The following MYRIP variants were observed in gnomAD, a reference collection of about 807,000 sequenced individuals.
The protein encoded by MYRIP is myosin VIIA and Rab interacting protein, also known as rab effector MyRIP.
A neutral mutation model predicts 98.0 loss-of-function variants in MYRIP; 49 were observed. The ratio of observed to expected loss-of-function variants is 0.50; its 90% CI spans 0.40 to 0.63. The LOEUF (loss-of-function observed/expected upper bound fraction) is 0.63, where lower values mean the gene tolerates loss of function less well. MYRIP is among the 30% of genes least tolerant of loss of function. The pLI, the probability that MYRIP is intolerant of heterozygous loss-of-function variation, is 0.00. For synonymous variants in MYRIP, 404 were observed against 409.5 expected (o/e 0.99, Z 0.16); for missense variants, 1,004 against 1,058.2 (o/e 0.95, Z 0.71).
intron 3 of MYRIP, among the ~76,000 whole-genome samples, chr3:40,121,001 A>G (rs976104259): frequency 2.0e-5 from 3 of 152,136 alleles, no homozygotes; most frequent in African/African-American, 7.2e-5. Context: ...ACAGAGAGGA[A>G]TGAATCAAGC....
At chr3:40,069,010 A>G (rs1948173673) in intron 3 of MYRIP, among the ~76,000 whole-genome samples, 1 of 152,218 alleles carries the variant, frequency 6.6e-6, no homozygotes, top group African/African-American at 2.4e-5. Flanking sequence ...AAGACACAAA[A>G]CACATCTAAG....
chr3:40,021,175 A>C (rs1379397189), intron 2 of MYRIP, among the ~76,000 whole-genome samples: 1 of 152,206 alleles, frequency 6.6e-6, no homozygotes, highest in Non-Finnish European at 1.5e-5. Context: ...AGATGCTTTT[A>C]AAAAACATTC....
At chr3:40,221,175 C>T (rs1952327177) in intron 11 of MYRIP, among the ~76,000 whole-genome samples, 1 of 151,532 alleles carries the variant, frequency 6.6e-6, no homozygotes, top group South Asian at 2.1e-4. Context: ...ATGGTTAGCA[C>T]ATTCATTTTT....
chr3:40,179,886 G>T (rs1330474624), intron 8 of MYRIP, among the ~76,000 whole-genome samples: 1 of 152,212 alleles, frequency 6.6e-6, no homozygotes, highest in African/African-American at 2.4e-5. Context: ...CTTGATACAT[G>T]GAGGTTTGCC....
At chr3:40,218,619 TATATATATATATA>T (rs1559460425) in intron 11 of MYRIP, among the ~76,000 whole-genome samples, 272 of 17,502 alleles carry the variant, frequency 0.016, 6 homozygotes, top group Non-Finnish European at 0.031. Flanking sequence ...ATTTTATATA[TATATATATATATA>T]TATATATATA....
chr3:39,870,151 G>C (rs1417226321), intron 1 of MYRIP, among the ~76,000 whole-genome samples: 2 of 152,156 alleles, frequency 1.3e-5, no homozygotes, highest in East Asian at 3.9e-4. Flanking sequence ...CAGACAGGAA[G>C]GGCCTAATAC....
At chr3:40,093,226 C>T (rs1163759960) in intron 3 of MYRIP, among the ~76,000 whole-genome samples, 1 of 152,218 alleles carries the variant, frequency 6.6e-6, no homozygotes, top group African/African-American at 2.4e-5. Context: ...GACAAGATAT[C>T]CACCTTATGT....
intron 2 of MYRIP, among the ~76,000 whole-genome samples, chr3:40,021,121 C>T (rs142313378): frequency 1.1e-3 from 172 of 152,270 alleles, no homozygotes; most frequent in Non-Finnish European, 2.1e-3. Flanking sequence ...CCTTTACCCC[C>T]CTTTGCTCTG....
intron 3 of MYRIP, among the ~76,000 whole-genome samples, chr3:40,048,205 T>C (rs1386420657): frequency 1.3e-5 from 2 of 152,190 alleles, no homozygotes; most frequent in African/African-American, 4.8e-5. Context: ...AGTAGGTCTA[T>C]GAGGTTACAC....
intron 2 of MYRIP, among the ~76,000 whole-genome samples, chr3:39,949,167 A>T (rs892255918): frequency 3.3e-5 from 5 of 152,128 alleles, no homozygotes; most frequent in African/African-American, 1.2e-4. Flanking sequence ...TTGCTTTTGG[A>T]CAAGTTGAAT....
rs563289180 is a variant in MYRIP, at chr3:40,000,061, A to G, written c.111-43989A>G. Among the ~76,000 whole-genome samples the G allele has an allele frequency of 2.1e-3, 321 of 151,222 alleles. 5 individuals are homozygous for G. The highest frequency in any genetic ancestry group is 7.5e-3 in the African/African-American group (308 of 41,150). ...GGAGGGGGGAGGGATAACAATAGGAAATATACCTAATGTTAAATGACGAGT... is the reference window on the plus strand; with the variant it reads ...GGAGGGGGGAGGGATAACAATAGGAGATATACCTAATGTTAAATGACGAGT... On this transcript the variant is annotated intron_variant, in intron 2 of 16. Coordinates refer to ENST00000302541, the MANE Select transcript of MYRIP (RefSeq NM_015460.4).
chr3:40,085,861 C>T (rs1048664943), intron 3 of MYRIP, among the ~76,000 whole-genome samples: 2 of 151,998 alleles, frequency 1.3e-5, no homozygotes, highest in Non-Finnish European at 2.9e-5. Context: ...AAATTATAAC[C>T]CCATCTGACA....
rs767339062 is a variant in MYRIP, at chr3:40,233,863, T to C, written c.1910T>C (p.Phe637Ser). 1.1e-5 allele frequency: 17 copies of C among 1,612,166 alleles called. No homozygotes were observed. Among genetic ancestry groups the C allele is most frequent in the African/African-American group, 1.3e-5 (1 of 74,922 alleles). Residue 637 changes from phenylalanine to serine, a missense_variant, in exon 12 of 17, where the codon TTT (phenylalanine) becomes TCT (serine). Phe to Ser is a radical substitution (Grantham distance 155). Coordinates refer to ENST00000302541, the MANE Select transcript of MYRIP (RefSeq NM_015460.4). ...QSVQEELKKK[F>S]SAVSLCNIST... ...TTCTGTTATCGGACCAAACAGAAGT[T>C]TTCTGCTGTTTCTCTCTGCAACATC... is the stretch of plus-strand genomic sequence containing the variant.
intron 2 of MYRIP, among the ~76,000 whole-genome samples, chr3:40,033,099 C>A (rs977157422): frequency 6.0e-5 from 9 of 150,326 alleles, no homozygotes; most frequent in African/African-American, 1.7e-4. Flanking sequence ...TATGACAAAC[C>A]CACAGCCAAT....
intron 3 of MYRIP, among the ~76,000 whole-genome samples, chr3:40,141,707 T>A (rs1432151950): frequency 6.6e-6 from 1 of 152,204 alleles, no homozygotes; most frequent in African/African-American, 2.4e-5. Context: ...AGACTGTCCT[T>A]TCTCCAGTGA....
At chr3:40,065,272 A>G (rs149977092) in intron 3 of MYRIP, among the ~76,000 whole-genome samples, 9 of 152,206 alleles carry the variant, frequency 5.9e-5, no homozygotes, top group Admixed American at 2.6e-4. Context: ...TCTTATAATG[A>G]CACCCATATT....
intron 16 of MYRIP, among the ~76,000 whole-genome samples, chr3:40,256,952 C>T (rs1486530558): frequency 2.6e-5 from 4 of 152,052 alleles, no homozygotes; most frequent in East Asian, 3.9e-4. Context: ...ACACAAAAAT[C>T]GTTACACCAG....
At chr3:40,106,557 A>G (rs12491654) in intron 3 of MYRIP, among the ~76,000 whole-genome samples, 14,284 of 152,026 alleles carry the variant, frequency 0.094, 765 homozygotes, top group East Asian at 0.22. Context: ...TGAATTTTAT[A>G]TATTCTTTCA....
intron 1 of MYRIP, among the ~76,000 whole-genome samples, chr3:39,898,595 G>T (rs963211105): frequency 6.6e-6 from 1 of 152,126 alleles, no homozygotes; most frequent in East Asian, 1.9e-4. Flanking sequence ...CAGGGACTCT[G>T]AGTCAGACCA....
Sources: allele counts gnomAD v4.1 joint callset (sites outside exome capture counted in the v4.1 genomes callset), GRCh38; gene constraint gnomAD v4.1.1; transcripts MANE v1.5; gene names NCBI Gene and HGNC (gene_info 2026-07-23, HGNC 2026-07-21).